The following DPP10 variants were observed in gnomAD, a reference collection of about 807,000 sequenced individuals.
DPP10 encodes inactive dipeptidyl peptidase 10.
DPP10 carries 33 observed loss-of-function variants against 120.9 expected under a neutral mutation model. That is an observed-to-expected ratio of 0.27 (90% CI 0.21 to 0.37). The LOEUF (loss-of-function observed/expected upper bound fraction) is 0.37. Ranked by LOEUF, DPP10 falls within the 10% of genes least tolerant of loss-of-function variation. The pLI is 1.00. For missense variants in DPP10, 816 were observed against 942.8 expected (o/e 0.87, Z 1.76); for synonymous variants, 337 against 326.1 (o/e 1.03, Z -0.36).
chr2:115,238,315 T>C (rs1157265904), intron 1 of DPP10, among the ~76,000 whole-genome samples: 1 of 152,178 alleles, frequency 6.6e-6, no homozygotes, highest in Non-Finnish European at 1.5e-5. Context: ...AGCCCACGAT[T>C]GAAACCTACT....
chr2:115,368,097 G>A (rs1223815083), intron 3 of DPP10, among the ~76,000 whole-genome samples: 1 of 152,060 alleles, frequency 6.6e-6, no homozygotes, highest in African/African-American at 2.4e-5. Flanking sequence ...ATTATTGAAG[G>A]TTTACCTGAA....
intron 3 of DPP10, among the ~76,000 whole-genome samples, chr2:115,359,832 GT>G (rs1205952545): frequency 6.6e-6 from 1 of 151,686 alleles, no homozygotes; most frequent in Admixed American, 6.6e-5. Flanking sequence ...ATTTATATTT[GT>G]CTTACTGAAT....
At chr2:115,403,103 T>C (rs1035002260) in intron 3 of DPP10, among the ~76,000 whole-genome samples, 2 of 151,284 alleles carry the variant, frequency 1.3e-5, no homozygotes, top group African/African-American at 4.9e-5. Flanking sequence ...GATGCAAAGA[T>C]GGTTCAAAAT....
intron 1 of DPP10, among the ~76,000 whole-genome samples, chr2:114,501,504 T>TA (rs1157419490): frequency 6.6e-6 from 1 of 152,180 alleles, no homozygotes; most frequent in Non-Finnish European, 1.5e-5. Flanking sequence ...CCAAAGCTGC[T>TA]AAAAAATCTG....
At chr2:115,149,268 A>G (rs1322145845) in intron 1 of DPP10, among the ~76,000 whole-genome samples, 1 of 152,208 alleles carries the variant, frequency 6.6e-6, no homozygotes, top group African/African-American at 2.4e-5. Context: ...GTGATTATAA[A>G]ATGGTGATAC....
chr2:114,614,070 G>A (rs1311901909), intron 1 of DPP10, among the ~76,000 whole-genome samples: 1 of 152,008 alleles, frequency 6.6e-6, no homozygotes, highest in South Asian at 2.1e-4. Flanking sequence ...AACCACCATG[G>A]TACATGTGTA....
rs116385216 is a variant in DPP10, at chr2:115,339,665, A to G, written c.176-4152A>G. Among the ~76,000 whole-genome samples the G allele has an allele frequency of 2.4e-3, 367 of 152,294 alleles. 1 individual carries two copies. The highest frequency in any genetic ancestry group is 3.8e-3 in the Non-Finnish European group (258 of 68,022). The stretch of plus-strand genomic sequence containing the variant: ...ATTATTTATACATTCAACAACTTGA[A>G]TGGATCTCAAGGGAATTATTCTGAG... On this transcript the variant is annotated intron_variant, in intron 2 of 25. Transcript: ENST00000410059.
intron 1 of DPP10, among the ~76,000 whole-genome samples, chr2:114,514,107 G>A (rs1684396076): frequency 6.6e-6 from 1 of 152,096 alleles, no homozygotes. Context: ...AAATTCAGTG[G>A]AACACATTCT....
At chr2:115,765,311 C>A (rs891833782) in intron 12 of DPP10, among the ~76,000 whole-genome samples, 1 of 152,094 alleles carries the variant, frequency 6.6e-6, no homozygotes, top group African/African-American at 2.4e-5. Context: ...AAAGGGAGAA[C>A]GGTAAGGGAG....
At chr2:115,179,365 T>C (rs1252692702) in intron 1 of DPP10, among the ~76,000 whole-genome samples, 1 of 152,162 alleles carries the variant, frequency 6.6e-6, no homozygotes, top group East Asian at 1.9e-4. Flanking sequence ...TAAAATGTTG[T>C]TTCTGTATTA....
chr2:115,097,167 C>T (rs1573601727), intron 1 of DPP10, among the ~76,000 whole-genome samples: 1 of 141,490 alleles, frequency 7.1e-6, no homozygotes, highest in South Asian at 2.2e-4. Context: ...GATATTGTAA[C>T]AAATAAATAA....
chr2:115,381,279 C>T (rs1256260011), intron 3 of DPP10, among the ~76,000 whole-genome samples: 7 of 152,006 alleles, frequency 4.6e-5, no homozygotes, highest in Admixed American at 2.0e-4. Context: ...TCTAAGCTTC[C>T]CTTCTCACTT....
intron 1 of DPP10, among the ~76,000 whole-genome samples, chr2:115,056,718 T>C (rs1705950375): frequency 1.3e-5 from 2 of 151,904 alleles, no homozygotes; most frequent in South Asian, 4.2e-4. Context: ...ACATCCTCTC[T>C]CTCCAAATGG....
At position 115,842,859 on chromosome 2, in the gene DPP10, A is replaced by T. The variant is rs1397242444; in HGVS notation, c.*514A>T. On this transcript the variant is annotated 3_prime_UTR_variant, in exon 26 of 26. Transcript: ENST00000410059. ...AATAAAAAACAGAGTATTTTATGTA[A>T]TTTCTGTTTTTAAAAAGACATTATT... 6.5e-6 allele frequency: 1 copy of T among 152,682 alleles called. No individual in the cohort carries two copies. The highest frequency in any genetic ancestry group is 1.5e-5 in the Non-Finnish European group (1 of 68,100). 9.5% of individuals were successfully genotyped at this position (152,682 alleles called of 1,614,324 possible).
chr2:114,919,656 A>G (rs1017130105), intron 1 of DPP10, among the ~76,000 whole-genome samples: 2 of 152,200 alleles, frequency 1.3e-5, no homozygotes, highest in African/African-American at 4.8e-5. Flanking sequence ...TGCAGACATC[A>G]ACAGTTCTGG....
At position 115,843,120 on chromosome 2, in the gene DPP10, T is replaced by C. The variant is rs1354449173; in HGVS notation, c.*775T>C. ...TTCCAAGCTATAATGGATGCTTTGT[T>C]TAATGAGCCAAATATGATGAAACAT... On this transcript the variant is annotated 3_prime_UTR_variant, in exon 26 of 26. Transcript: ENST00000410059. 1 of 152,658 alleles carries C rather than the reference T, an allele frequency of 6.6e-6. No homozygotes were observed. Among genetic ancestry groups the C allele is most frequent in the Non-Finnish European group, 1.5e-5 (1 of 68,038 alleles). The allele number at this position is 152,658 out of a possible 1,614,324, so 9.5% of individuals were successfully genotyped here.
chr2:115,135,626 T>G (rs1415351220), intron 1 of DPP10, among the ~76,000 whole-genome samples: 1 of 152,196 alleles, frequency 6.6e-6, no homozygotes, highest in Admixed American at 6.6e-5. Flanking sequence ...AATGAACTTC[T>G]ATTCTCTTAC....
At chr2:114,612,556 G>T (rs1693364040) in intron 1 of DPP10, among the ~76,000 whole-genome samples, 1 of 146,378 alleles carries the variant, frequency 6.8e-6, no homozygotes, top group Non-Finnish European at 1.5e-5. Context: ...ATGGTCAGAT[G>T]ACTGGAGTTC....
intron 1 of DPP10, among the ~76,000 whole-genome samples, chr2:114,900,729 GGT>G (rs1693490028): frequency 6.6e-6 from 1 of 151,978 alleles, no homozygotes; most frequent in Non-Finnish European, 1.5e-5. Context: ...CTTCTAGTAT[GGT>G]TATTACCTTT....
Sources: allele counts gnomAD v4.1 joint callset (sites outside exome capture counted in the v4.1 genomes callset), GRCh38; gene constraint gnomAD v4.1.1; transcripts MANE v1.5; gene names NCBI Gene and HGNC (gene_info 2026-07-23, HGNC 2026-07-21).